The following FBXL7 variants were observed in gnomAD, a reference collection of about 807,000 sequenced individuals.
FBXL7 encodes F-box and leucine rich repeat protein 7.
In FBXL7, 12 loss-of-function variants were observed where a neutral mutation model predicts 38.3. The observed-to-expected ratio is 0.31, with a 90% CI of 0.20 to 0.51. The LOEUF (loss-of-function observed/expected upper bound fraction) is 0.51. FBXL7 is among the 20% of genes least tolerant of loss of function. The pLI, the probability that FBXL7 is intolerant of heterozygous loss-of-function variation, is 0.98. For missense variants in FBXL7, 567 were observed against 676.4 expected, an observed-to-expected ratio of 0.84 and a Z score of 1.79; for synonymous variants, 297 against 300.9, an observed-to-expected ratio of 0.99 and a Z score of 0.13.
chr5:15,885,178 A>C (rs960432360), intron 2 of FBXL7, among the ~76,000 whole-genome samples: 7 of 152,148 alleles, frequency 4.6e-5, no homozygotes, highest in African/African-American at 1.4e-4. Flanking sequence ...GTTCTTTGCA[A>C]GTTGATGGGT....
At chr5:15,529,408 CAG>C (rs907848783) in intron 1 of FBXL7, among the ~76,000 whole-genome samples, 2 of 150,262 alleles carry the variant, frequency 1.3e-5, no homozygotes, top group African/African-American at 4.9e-5. Context: ...TTTTTTAAGA[CAG>C]AGTCTCTCTC....
At chr5:15,762,797 A>C (rs1316664163) in intron 2 of FBXL7, among the ~76,000 whole-genome samples, 1 of 152,186 alleles carries the variant, frequency 6.6e-6, no homozygotes, top group African/African-American at 2.4e-5. Context: ...ATTTTGGTTG[A>C]AACATATCTG....
chr5:15,652,696 T>C (rs1372647661), intron 2 of FBXL7, among the ~76,000 whole-genome samples: 1 of 152,196 alleles, frequency 6.6e-6, no homozygotes, highest in African/African-American at 2.4e-5. Context: ...GAAGCCATGA[T>C]AGGGTTATTA....
chr5:15,595,560 C>T (rs1489361143), intron 1 of FBXL7, among the ~76,000 whole-genome samples: 1 of 152,198 alleles, frequency 6.6e-6, no homozygotes, highest in African/African-American at 2.4e-5. Flanking sequence ...AATCTGCACT[C>T]TTGCAACAGT....
intron 2 of FBXL7, among the ~76,000 whole-genome samples, chr5:15,677,683 T>A (rs1171010057): frequency 6.6e-6 from 1 of 152,124 alleles, no homozygotes; most frequent in African/African-American, 2.4e-5. Flanking sequence ...TTAAAATCAT[T>A]GATCAGAGTC....
intron 1 of FBXL7, among the ~76,000 whole-genome samples, chr5:15,607,659 C>A (rs1187889750): frequency 6.6e-6 from 1 of 152,130 alleles, no homozygotes; most frequent in African/African-American, 2.4e-5. Flanking sequence ...CAAGGGAATG[C>A]GTGATAGGAA....
At chr5:15,614,841 C>T (rs1203774751) in intron 1 of FBXL7, among the ~76,000 whole-genome samples, 4 of 152,174 alleles carry the variant, frequency 2.6e-5, no homozygotes, top group African/African-American at 7.2e-5. Context: ...GCTTCAAAGA[C>T]AGCAGGAAGG....
chr5:15,632,441 T>C (rs1186376153), intron 2 of FBXL7, among the ~76,000 whole-genome samples: 1 of 152,178 alleles, frequency 6.6e-6, no homozygotes, highest in African/African-American at 2.4e-5. Flanking sequence ...GTGGACTAGT[T>C]CATCCACTGT....
At chr5:15,764,832 C>A (rs1343706443) in intron 2 of FBXL7, among the ~76,000 whole-genome samples, 1 of 152,194 alleles carries the variant, frequency 6.6e-6, no homozygotes, top group Non-Finnish European at 1.5e-5. Context: ...GCTGCCTTAC[C>A]ATAATCTAGA....
intron 1 of FBXL7, among the ~76,000 whole-genome samples, chr5:15,556,966 C>G (rs1392658217): frequency 6.6e-6 from 1 of 152,136 alleles, no homozygotes; most frequent in Non-Finnish European, 1.5e-5. Context: ...TTGAAGGAGT[C>G]TTGCTCTGTC....
rs369658344 is a variant in FBXL7 at position 15,866,683 on chromosome 5, A to C, written c.128-61207A>C. Among the ~76,000 whole-genome samples, 131 of 111,406 alleles carry C rather than the reference A, an allele frequency of 1.2e-3. 4 individuals are homozygous for C. The highest frequency in any genetic ancestry group is 4.5e-3 in the African/African-American group (126 of 28,242). The allele number at this position is 111,406 out of a possible 152,430, so 73.1% of individuals were successfully genotyped here. Reference sequence around the variant, plus strand: ...CCCTCACCCCCCACCCCCCAACAAGACCTGGCGTGTGTTGTTCCCCCTCTG... The same window carrying C: ...CCCTCACCCCCCACCCCCCAACAAGCCCTGGCGTGTGTTGTTCCCCCTCTG... On this transcript the variant is annotated intron_variant, in intron 2 of 3. Transcript: ENST00000504595.
chr5:15,819,467 C>G (rs1738112155), intron 2 of FBXL7, among the ~76,000 whole-genome samples: 1 of 152,128 alleles, frequency 6.6e-6, no homozygotes, highest in African/African-American at 2.4e-5. Flanking sequence ...ATTATGATTA[C>G]TGCTAAGCAT....
At chr5:15,749,618 C>T (rs895980237) in intron 2 of FBXL7, among the ~76,000 whole-genome samples, 5 of 151,892 alleles carry the variant, frequency 3.3e-5, no homozygotes, top group Non-Finnish European at 7.4e-5. Flanking sequence ...CAGAGCGAGA[C>T]TCCGTCTCAA....
At chr5:15,866,059 C>T (rs1739696713) in intron 2 of FBXL7, among the ~76,000 whole-genome samples, 3 of 152,154 alleles carry the variant, frequency 2.0e-5, no homozygotes, top group Admixed American at 6.5e-5. Context: ...GAAGGCCCAC[C>T]ATAGCCAAAT....
chr5:15,793,797 G>A (rs1737338415), intron 2 of FBXL7, among the ~76,000 whole-genome samples: 2 of 152,168 alleles, frequency 1.3e-5, no homozygotes, highest in African/African-American at 4.8e-5. Flanking sequence ...CAGTGAAGAA[G>A]ATGAATTTGA....
At chr5:15,594,947 T>C (rs773306288) in intron 1 of FBXL7, among the ~76,000 whole-genome samples, 1 of 152,204 alleles carries the variant, frequency 6.6e-6, no homozygotes, top group Non-Finnish European at 1.5e-5. Flanking sequence ...TAGTCAGTCT[T>C]ACATTTAAAA....
At chr5:15,746,886 T>C (rs980563241) in intron 2 of FBXL7, among the ~76,000 whole-genome samples, 1 of 147,066 alleles carries the variant, frequency 6.8e-6, no homozygotes, top group Non-Finnish European at 1.5e-5. Context: ...CGAGTGCCAC[T>C]TTTTTTTTTG....
chr5:15,724,123 T>C (rs1744276328), intron 2 of FBXL7, among the ~76,000 whole-genome samples: 1 of 152,204 alleles, frequency 6.6e-6, no homozygotes, highest in Non-Finnish European at 1.5e-5. Flanking sequence ...CATTGACTTT[T>C]AGGTCAGTTT....
chr5:15,615,532 T>C (rs959599286), intron 1 of FBXL7, among the ~76,000 whole-genome samples: 2 of 152,228 alleles, frequency 1.3e-5, no homozygotes, highest in Non-Finnish European at 2.9e-5. Context: ...GGGAATTCAT[T>C]TTTTGATGTG....
Sources: allele counts gnomAD v4.1 joint callset (sites outside exome capture counted in the v4.1 genomes callset), GRCh38; gene constraint gnomAD v4.1.1; transcripts MANE v1.5; gene names NCBI Gene and HGNC (gene_info 2026-07-23, HGNC 2026-07-21).